LRMDA: variants seen among roughly 807,000 people sequenced by gnomAD.
LRMDA encodes leucine-rich melanocyte differentiation-associated protein.
Under a neutral mutation model 29.8 loss-of-function variants are expected in LRMDA, and 18 were observed. The observed-to-expected ratio is 0.60, with a 90% CI of 0.42 to 0.90. The LOEUF is 0.90. Ranked by LOEUF, LRMDA falls within the 40% of genes least tolerant of loss-of-function variation. The pLI is 0.00. For synonymous variants in LRMDA, 125 were observed against 109.4 expected (o/e 1.14, Z -0.89); for missense variants, 273 against 273.9 (o/e 1.00, Z 0.02).
At chr10:76,234,829 C>G (rs1270960759) in intron 5 of LRMDA, among the ~76,000 whole-genome samples, 1 of 152,212 alleles carries the variant, frequency 6.6e-6, no homozygotes, top group African/African-American at 2.4e-5. Context: ...TAGGCTTTGG[C>G]TTAAGGAAAT....
At chr10:75,593,487 A>G (rs183027765) in intron 2 of LRMDA, among the ~76,000 whole-genome samples, 112 of 152,342 alleles carry the variant, frequency 7.4e-4, no homozygotes, top group African/African-American at 2.4e-3. Context: ...CAGCAATGCA[A>G]TAACACTTTC....
intron 5 of LRMDA, among the ~76,000 whole-genome samples, chr10:76,252,820 G>A (rs1290813245): frequency 6.6e-6 from 1 of 152,170 alleles, no homozygotes; most frequent in African/African-American, 2.4e-5. Flanking sequence ...AAAATCAGTG[G>A]CTTTAGAAAA....
intron 6 of LRMDA, among the ~76,000 whole-genome samples, chr10:76,339,237 T>C (rs1242811351): frequency 6.9e-6 from 1 of 144,274 alleles, no homozygotes; most frequent in Admixed American, 6.9e-5. Context: ...TTAGAAATTA[T>C]ATTAAAAAAG....
chr10:75,788,028 CAA>C (rs1843502590), intron 2 of LRMDA, among the ~76,000 whole-genome samples: 1 of 47,346 alleles, frequency 2.1e-5, no homozygotes, highest in Non-Finnish European at 6.0e-5. Flanking sequence ...GACTCCGTCT[CAA>C]AAACAAAAAC....
intron 2 of LRMDA, among the ~76,000 whole-genome samples, chr10:75,723,419 T>G (rs1025000131): frequency 6.6e-6 from 1 of 152,248 alleles, no homozygotes; most frequent in Non-Finnish European, 1.5e-5. Flanking sequence ...TAGATCACTA[T>G]GACGTTGAAA....
At chr10:76,011,699 T>A (rs990239601) in intron 2 of LRMDA, among the ~76,000 whole-genome samples, 1 of 152,202 alleles carries the variant, frequency 6.6e-6, no homozygotes, top group Non-Finnish European at 1.5e-5. Context: ...TCTGTGTGAT[T>A]GAGATTTTAA....
intron 2 of LRMDA, among the ~76,000 whole-genome samples, chr10:75,656,679 G>A (rs1276985898): frequency 1.3e-5 from 2 of 152,134 alleles, no homozygotes; most frequent in Non-Finnish European, 2.9e-5. Flanking sequence ...TTTCTACACA[G>A]ACACTCTCCT....
chr10:75,596,986 C>T (rs1444842197), intron 2 of LRMDA, among the ~76,000 whole-genome samples: 1 of 149,436 alleles, frequency 6.7e-6, no homozygotes, highest in East Asian at 1.9e-4. Flanking sequence ...CTGCTCTTTC[C>T]TGTTTAAGGG....
intron 5 of LRMDA, among the ~76,000 whole-genome samples, chr10:76,102,533 G>A (rs965317768): frequency 6.6e-6 from 1 of 152,146 alleles, no homozygotes; most frequent in Admixed American, 6.5e-5. Context: ...ATGGCCTCCA[G>A]CTCCATCCAT....
chr10:75,802,186 C>T lies in LRMDA; in HGVS notation c.132-233822C>T, dbSNP rs144547292. Among the ~76,000 whole-genome samples the T allele has an allele frequency of 2.9e-3, 435 of 152,190 alleles. 1 individual carries two copies. Among genetic ancestry groups the T allele is most frequent in the African/African-American group, 0.01 (420 of 41,526 alleles). ...TTAAAAAATTAGCCACATATGGTGG[C>T]GTGTACCTGCGATCCTAGCTACTGA... On this transcript the variant is annotated intron_variant, in intron 2 of 6. Coordinates refer to ENST00000611255, the MANE Select transcript of LRMDA (RefSeq NM_001305581.2).
intron 4 of LRMDA, among the ~76,000 whole-genome samples, chr10:76,055,003 G>T (rs1848586204): frequency 7.3e-6 from 1 of 137,232 alleles, no homozygotes; most frequent in Non-Finnish European, 1.5e-5. Context: ...GGCAGAGGTT[G>T]CAGTGAGCAG....
At chr10:75,534,768 T>C (rs1315124718) in intron 2 of LRMDA, among the ~76,000 whole-genome samples, 2 of 152,210 alleles carry the variant, frequency 1.3e-5, no homozygotes, top group Admixed American at 6.5e-5. Context: ...CTTGAGTTTT[T>C]TGAAGAATTT....
At chr10:76,335,175 C>T (rs1203407141) in intron 6 of LRMDA, among the ~76,000 whole-genome samples, 1 of 152,176 alleles carries the variant, frequency 6.6e-6, no homozygotes, top group Non-Finnish European at 1.5e-5. Context: ...GATTATTCTA[C>T]ATTTCCAGTT....
intron 6 of LRMDA, among the ~76,000 whole-genome samples, chr10:76,428,520 G>A (rs903756816): frequency 6.6e-6 from 1 of 152,006 alleles, no homozygotes; most frequent in Non-Finnish European, 1.5e-5. Flanking sequence ...TTCCTTCCAG[G>A]CCCCACATTA....
rs1485351078 is a variant in LRMDA, at chr10:75,839,685, G to A, written c.132-196323G>A. On this transcript the variant is annotated intron_variant, in intron 2 of 6. Transcript: ENST00000611255. ...GCTACCTTCCAATTCTACTCCTTAG[G>A]ATGCATCCGACTTTCTTTTTTTTTT... Among the ~76,000 whole-genome samples the A allele has an allele frequency of 3.4e-5, 5 of 148,008 alleles. 1 individual carries two copies. Among genetic ancestry groups the A allele is most frequent in the Non-Finnish European group, 7.4e-5 (5 of 67,378 alleles).
chr10:76,275,614 A>T (rs1444539011), intron 5 of LRMDA, among the ~76,000 whole-genome samples: 1 of 151,750 alleles, frequency 6.6e-6, no homozygotes, highest in Admixed American at 6.6e-5. Context: ...GATCTTTCCA[A>T]ATTGCTTTTT....
chr10:76,232,967 C>T lies in LRMDA; in HGVS notation c.517-91434C>T, dbSNP rs544451326. On this transcript the variant is annotated intron_variant, in intron 5 of 6. Transcript: ENST00000611255. Reference sequence around the variant, plus strand: ...GCATGACAGTGAAGAAAACCAATTACGAAAGGGTAGGTATATGTAAAATAG... The same window carrying T: ...GCATGACAGTGAAGAAAACCAATTATGAAAGGGTAGGTATATGTAAAATAG... Among the ~76,000 whole-genome samples, 13 of 152,250 alleles carry T rather than the reference C, an allele frequency of 8.5e-5. No individual in the cohort carries two copies. In the South Asian group the frequency reaches 1.5e-3, roughly 17 times the overall value.
intron 2 of LRMDA, among the ~76,000 whole-genome samples, chr10:75,648,376 A>G (rs1364527090): frequency 6.6e-6 from 1 of 152,170 alleles, no homozygotes; most frequent in East Asian, 1.9e-4. Context: ...GTGGAGCAGA[A>G]TTATCTGCTT....
chr10:75,598,197 C>T (rs1415167985), intron 2 of LRMDA, among the ~76,000 whole-genome samples: 1 of 152,124 alleles, frequency 6.6e-6, no homozygotes, highest in Non-Finnish European at 1.5e-5. Flanking sequence ...TTAGCAGCAT[C>T]CTGTTCATGT....
Sources: gnomAD v4.1 joint callset for allele counts (sites outside exome capture counted in the v4.1 genomes callset) on GRCh38, gnomAD v4.1.1 for gene constraint, MANE v1.5 for transcripts, NCBI Gene and HGNC (gene_info 2026-07-23, HGNC 2026-07-21) for gene names.